The following MCTP1 variants were observed in gnomAD, a reference collection of about 807,000 sequenced individuals.
MCTP1 encodes the protein multiple C2 and transmembrane domain containing 1, also known as multiple C2 and transmembrane domain-containing protein 1.
Under a neutral mutation model 120.6 loss-of-function variants are expected in MCTP1, and 69 were observed. The ratio of observed to expected loss-of-function variants is 0.57; its 90% confidence interval spans 0.47 to 0.70. MCTP1 has a LOEUF of 0.70. Ranked by LOEUF, MCTP1 falls within the 30% of genes least tolerant of loss-of-function variation. MCTP1 has a pLI of 0.00. For synonymous variants in MCTP1, 529 were observed against 493.1 expected, an observed-to-expected ratio of 1.07 and a Z score of -0.96; for missense variants, 1,203 against 1,248.8, an observed-to-expected ratio of 0.96 and a Z score of 0.55.
chr5:94,757,935 G>C (rs17084024), intron 19 of MCTP1, among the ~76,000 whole-genome samples: 2 of 151,962 alleles, frequency 1.3e-5, no homozygotes, highest in Non-Finnish European at 2.9e-5. Flanking sequence ...GGTCAAGGGA[G>C]TCTTGGGAAA....
chr5:94,822,883 C>T (rs1290696625), intron 17 of MCTP1, among the ~76,000 whole-genome samples: 1 of 152,114 alleles, frequency 6.6e-6, no homozygotes, highest in African/African-American at 2.4e-5. Context: ...TCATATCCTT[C>T]ATCCACTTTT....
In MCTP1 at chr5:94,848,582, C is replaced by T. The variant is rs190797422; in HGVS notation, c.2436+19751G>A. On this transcript the variant is annotated intron_variant, in intron 17 of 22. Coordinates refer to ENST00000515393, the MANE Select transcript of MCTP1 (RefSeq NM_024717.7). ...CAGGTATTATAAGAAGTAGGCATGA[C>T]GGGTTCCAAATGCAATAACAGACAT... Among the ~76,000 whole-genome samples the T allele has an allele frequency of 7.9e-5, 12 of 152,072 alleles. No individual in the cohort carries two copies. In the South Asian group the frequency reaches 8.3e-4, roughly 11 times the overall value.
chr5:94,764,280 G>A (rs553307846), intron 19 of MCTP1, among the ~76,000 whole-genome samples: 2 of 152,304 alleles, frequency 1.3e-5, no homozygotes, highest in East Asian at 3.9e-4. Flanking sequence ...AAAAAGGCAG[G>A]TGACATTGTC....
intron 1 of MCTP1, among the ~76,000 whole-genome samples, chr5:95,214,784 A>T (rs1397362723): frequency 1.4e-5 from 2 of 146,290 alleles, no homozygotes; most frequent in South Asian, 2.1e-4. Context: ...CAAACACTGC[A>T]TGTTCTCACT....
At chr5:95,239,085 A>G (rs1317208078) in intron 1 of MCTP1, among the ~76,000 whole-genome samples, 1 of 152,178 alleles carries the variant, frequency 6.6e-6, no homozygotes, top group Middle Eastern at 3.2e-3. Flanking sequence ...TTGGTCTCAC[A>G]TCTCACTGTT....
At chr5:94,735,299 T>C (rs1466725620) in intron 19 of MCTP1, among the ~76,000 whole-genome samples, 1 of 152,122 alleles carries the variant, frequency 6.6e-6, no homozygotes, top group Non-Finnish European at 1.5e-5. Context: ...CTTTTTACAC[T>C]TTTAACCACA....
chr5:95,077,819 G>T (rs770730742), intron 1 of MCTP1, among the ~76,000 whole-genome samples: 1 of 152,152 alleles, frequency 6.6e-6, no homozygotes, highest in South Asian at 2.1e-4. Context: ...AGGAGGAAAG[G>T]CTTGTGGCAA....
chr5:95,173,390 G>GA (rs1310238231), intron 1 of MCTP1, among the ~76,000 whole-genome samples: 1 of 151,956 alleles, frequency 6.6e-6, no homozygotes, highest in African/African-American at 2.4e-5. Context: ...ATCATAACCA[G>GA]AAAAAAAATT....
At chr5:95,009,820 A>G (rs150910178) in intron 2 of MCTP1, among the ~76,000 whole-genome samples, 7 of 152,314 alleles carry the variant, frequency 4.6e-5, no homozygotes, top group South Asian at 2.1e-4. Flanking sequence ...AGCAAAGACA[A>G]TAAAACTCAG....
At chr5:95,207,536 G>C (rs1278300146) in intron 1 of MCTP1, among the ~76,000 whole-genome samples, 1 of 152,168 alleles carries the variant, frequency 6.6e-6, no homozygotes, top group Non-Finnish European at 1.5e-5. Flanking sequence ...AATGAAGTGG[G>C]TCAGAGGAGA....
intron 19 of MCTP1, among the ~76,000 whole-genome samples, chr5:94,719,162 G>C (rs1366817678): frequency 1.3e-5 from 2 of 152,196 alleles, no homozygotes; most frequent in Non-Finnish European, 2.9e-5. Flanking sequence ...AGAAACAACA[G>C]ATGCTGGCAA....
intron 1 of MCTP1, among the ~76,000 whole-genome samples, chr5:95,207,143 T>C (rs1751716183): frequency 6.6e-6 from 1 of 152,120 alleles, no homozygotes; most frequent in Non-Finnish European, 1.5e-5. Context: ...ATATTGACTA[T>C]CCTGGCAAGA....
intron 1 of MCTP1, among the ~76,000 whole-genome samples, chr5:95,134,138 G>A (rs1427216480): frequency 2.0e-5 from 3 of 152,050 alleles, no homozygotes; most frequent in Admixed American, 1.3e-4. Flanking sequence ...TCTATAAATA[G>A]GTGAGATTGG....
chr5:94,948,541 T>G (rs190297049), intron 3 of MCTP1, among the ~76,000 whole-genome samples: 20 of 152,332 alleles, frequency 1.3e-4, no homozygotes, highest in Middle Eastern at 3.4e-3. Context: ...ACAAAACATC[T>G]GAGATAATAC....
In MCTP1 at chr5:94,952,171, C is replaced by CAAAAAAAAAAAAAAA. The variant is rs57358026; in HGVS notation, c.981+1033_981+1047dup. On this transcript the variant is annotated intron_variant, in intron 3 of 22. Coordinates refer to ENST00000515393, the MANE Select transcript of MCTP1 (RefSeq NM_024717.7). ...TGGGTGACAGAATGAGACTTTGTCG[C>CAAAAAAAAAAAAAAA]AAAAAAAAAAAAAAAAAAAAAAGCT... Among the ~76,000 whole-genome samples, 756 of 87,758 alleles carry CAAAAAAAAAAAAAAA rather than the reference C, an allele frequency of 8.6e-3. 74 individuals carry two copies. The highest frequency in any genetic ancestry group is 0.014 in the Middle Eastern group (2 of 148). The allele number at this position is 87,758 out of a possible 152,430, so 57.6% of individuals were successfully genotyped here.
Position 95,284,495 on chromosome 5 carries a change from G to C in MCTP1, c.81C>G (p.Asn27Lys). The C allele has an allele frequency of 1.3e-6, 2 of 1,511,572 alleles. No individual in the cohort carries two copies. The highest frequency in any genetic ancestry group is 1.8e-6 in the Non-Finnish European group (2 of 1,138,184). 93.6% of individuals were successfully genotyped at this position (1,511,572 alleles called of 1,614,324 possible). A position where few individuals can be genotyped will look rare whatever the true frequency, so the allele number is the denominator to read the frequency against. The part of the protein sequence containing the change: ...SSSFQARLWK[N>K]LQLGVGRSKG... ...TGCTCCTGCCCACCCCCAGCTGCAG[G>C]TTCTTCCAGAGCCGGGCCTGGAAGG... The change falls in exon 1 of 23, where the codon AAC (asparagine) becomes AAG (lysine). Residue 27 changes from asparagine to lysine, a missense_variant. Transcript: ENST00000515393. This position sits in a 1 kb window ranked among gnomAD's most constrained non-coding sequence, Gnocchi z 5.2.
At chr5:95,140,775 G>A (rs1759855095) in intron 1 of MCTP1, among the ~76,000 whole-genome samples, 1 of 147,490 alleles carries the variant, frequency 6.8e-6, no homozygotes, top group Admixed American at 6.8e-5. Flanking sequence ...AGCTACTCGG[G>A]AGGCTGAGGC....
At chr5:94,852,370 A>G (rs1793925381) in intron 17 of MCTP1, among the ~76,000 whole-genome samples, 1 of 151,886 alleles carries the variant, frequency 6.6e-6, no homozygotes. Flanking sequence ...TAAAGACCTT[A>G]TTATTATTTA....
intron 1 of MCTP1, among the ~76,000 whole-genome samples, chr5:95,242,250 G>T (rs1756251107): frequency 2.6e-5 from 4 of 151,790 alleles, no homozygotes; most frequent in Admixed American, 2.6e-4. Flanking sequence ...TTTCTGGCGA[G>T]GGATTACTAA....
Sources: allele counts gnomAD v4.1 joint callset (sites outside exome capture counted in the v4.1 genomes callset), GRCh38; gene constraint gnomAD v4.1.1; non-coding constraint Gnocchi (gnomAD v3.1); transcripts MANE v1.5; gene names NCBI Gene and HGNC (gene_info 2026-07-23, HGNC 2026-07-21).